Variants in NRXN3 observed in about 807,000 individuals in gnomAD.
The protein encoded by NRXN3 is neurexin 3.
A neutral mutation model predicts 137.6 loss-of-function variants in NRXN3; 32 were observed. The observed-to-expected ratio is 0.23, with a 90% CI of 0.18 to 0.31. The LOEUF (loss-of-function observed/expected upper bound fraction) is 0.31. Among genes scored for constraint, NRXN3 ranks in the 10% least tolerant of loss-of-function variants. The probability of loss-of-function intolerance (pLI) is 1.00; values close to 1 mark genes in which losing one functional copy is unlikely to be tolerated. For missense variants in NRXN3, 1,574 were observed against 2,062.5 expected, an observed-to-expected ratio of 0.76 and a Z score of 4.59; for synonymous variants, 798 against 784.5, an observed-to-expected ratio of 1.02 and a Z score of -0.29.
At chr14:78,983,390 A>C (rs1295158717) in intron 14 of NRXN3, among the ~76,000 whole-genome samples, 1 of 152,212 alleles carries the variant, frequency 6.6e-6, no homozygotes, top group East Asian at 1.9e-4. Flanking sequence ...AATTAGAAGA[A>C]ACCTGGGTGT....
chr14:79,316,089 G>A (rs550346766), intron 15 of NRXN3, among the ~76,000 whole-genome samples: 100 of 152,288 alleles, frequency 6.6e-4, no homozygotes, highest in South Asian at 2.7e-3. Flanking sequence ...CCCGAATCGC[G>A]AGGAAGGTAT....
At chr14:78,615,038 G>T (rs765012077) in intron 4 of NRXN3, 1 of 456,526 alleles carries the variant, frequency 2.2e-6, no homozygotes, top group African/African-American at 2.0e-5. Flanking sequence ...CGAAGGTAGG[G>T]ATGCTCCTCG....
chr14:79,498,342 T>G (rs2096787534), intron 16 of NRXN3, among the ~76,000 whole-genome samples: 3 of 152,236 alleles, frequency 2.0e-5, no homozygotes, highest in Non-Finnish European at 4.4e-5. Flanking sequence ...GTGTATGAAA[T>G]GATCATTTCT....
chr14:79,195,844 G>A (rs1018832073), intron 15 of NRXN3, among the ~76,000 whole-genome samples: 2 of 152,202 alleles, frequency 1.3e-5, no homozygotes, highest in Non-Finnish European at 2.9e-5. Context: ...TGGCCTTAAG[G>A]AATTGGGAAA....
chr14:79,396,045 T>A (rs776469260), intron 15 of NRXN3, among the ~76,000 whole-genome samples: 5 of 152,146 alleles, frequency 3.3e-5, no homozygotes, highest in Non-Finnish European at 5.9e-5. Flanking sequence ...TATATACACA[T>A]GTATGTATTA....
intron 6 of NRXN3, among the ~76,000 whole-genome samples, chr14:78,686,263 A>G (rs1168779046): frequency 6.6e-6 from 1 of 152,196 alleles, no homozygotes; most frequent in Non-Finnish European, 1.5e-5. Context: ...GGATCGATAA[A>G]TGAATGATGA....
At chr14:78,395,667 C>CA (rs1488050522) in intron 4 of NRXN3, among the ~76,000 whole-genome samples, 1 of 151,920 alleles carries the variant, frequency 6.6e-6, no homozygotes, top group Non-Finnish European at 1.5e-5. Context: ...GTTTTTGCTT[C>CA]ACATACTTTG....
At chr14:79,696,188 T>C (rs1408625639) in intron 18 of NRXN3, among the ~76,000 whole-genome samples, 1 of 151,988 alleles carries the variant, frequency 6.6e-6, no homozygotes, top group Non-Finnish European at 1.5e-5. Flanking sequence ...ATCAACATTG[T>C]GTAGCCTTGA....
At chr14:79,535,542 A>G (rs1348502245) in intron 16 of NRXN3, among the ~76,000 whole-genome samples, 1 of 151,958 alleles carries the variant, frequency 6.6e-6, no homozygotes, top group Non-Finnish European at 1.5e-5. Context: ...GTATAGGAAC[A>G]TTTATTTTGG....
intron 1 of NRXN3, among the ~76,000 whole-genome samples, chr14:78,197,416 G>A (rs1331012071): frequency 2.0e-5 from 3 of 152,216 alleles, no homozygotes; most frequent in East Asian, 3.9e-4. Context: ...TGGCTCCTGT[G>A]ACTGACCCCA....
intron 1 of NRXN3, among the ~76,000 whole-genome samples, chr14:78,239,010 G>C (rs2066722759): frequency 6.6e-6 from 1 of 152,236 alleles, no homozygotes; most frequent in African/African-American, 2.4e-5. Context: ...ATGTGAGGTT[G>C]GCATCCAGAG....
chr14:78,387,557 C>T (rs963616158), intron 4 of NRXN3, among the ~76,000 whole-genome samples: 7 of 152,154 alleles, frequency 4.6e-5, no homozygotes, highest in African/African-American at 1.7e-4. Flanking sequence ...AAGTGTGATT[C>T]CTTGCAGGAC....
At chr14:78,234,994 T>TTATATATATATATATATATATATATGTG (rs1555418504) in intron 1 of NRXN3, among the ~76,000 whole-genome samples, 70 of 108,794 alleles carry the variant, frequency 6.4e-4, no homozygotes, top group Admixed American at 1.2e-3. Flanking sequence ...ACAAATGCTT[T>TTATATATATATATATATATATATATGTG]TATATATATA....
At chr14:78,864,267 A>C (rs1336974829) in intron 10 of NRXN3, among the ~76,000 whole-genome samples, 2 of 152,190 alleles carry the variant, frequency 1.3e-5, no homozygotes, top group African/African-American at 4.8e-5. Context: ...TTGAATAAAC[A>C]GTGTAGATTT....
intron 8 of NRXN3, among the ~76,000 whole-genome samples, chr14:78,741,275 CT>C (rs1226860464): frequency 1.3e-5 from 2 of 152,148 alleles, no homozygotes; most frequent in African/African-American, 4.8e-5. Context: ...CCCTCTCCCT[CT>C]TTTTTTGCTG....
Position 78,916,895 on chromosome 14 carries a change from G to A in NRXN3, c.2276-40347G>A, listed in dbSNP as rs139105381. Among the ~76,000 whole-genome samples the A allele has an allele frequency of 3.3e-5, 5 of 152,280 alleles. No homozygotes were observed. In the East Asian group the frequency reaches 9.7e-4, roughly 29 times the overall value. ...AGAACTTTCTTCTTGGCTTTTAGAT[G>A]GCTGTCTTCTCCCTGTTTCTTTACA... On this transcript the variant is annotated intron_variant, in intron 10 of 20. Coordinates refer to ENST00000335750, the MANE Select transcript of NRXN3 (RefSeq NM_001330195.2).
chr14:78,278,143 C>G (rs1303857417), intron 2 of NRXN3, among the ~76,000 whole-genome samples: 1 of 152,162 alleles, frequency 6.6e-6, no homozygotes, highest in Non-Finnish European at 1.5e-5. Context: ...CTGTAACTTG[C>G]TCTTAATTCT....
intron 19 of NRXN3, among the ~76,000 whole-genome samples, chr14:79,718,512 T>C (rs1012865079): frequency 3.9e-5 from 6 of 152,198 alleles, no homozygotes; most frequent in Admixed American, 3.9e-4. Context: ...GAGAAAATAT[T>C]GTAAAGCAGC....
intron 10 of NRXN3, among the ~76,000 whole-genome samples, chr14:78,841,277 G>A (rs375388327): frequency 8.5e-5 from 13 of 152,084 alleles, no homozygotes; most frequent in Admixed American, 2.0e-4. Flanking sequence ...TTTAGAACCA[G>A]ATGGATGATG....
Sources: gnomAD v4.1 joint callset for allele counts (sites outside exome capture counted in the v4.1 genomes callset) on GRCh38, gnomAD v4.1.1 for gene constraint, MANE v1.5 for transcripts, NCBI Gene and HGNC (gene_info 2026-07-23, HGNC 2026-07-21) for gene names.